The following CCSER1 variants were observed in gnomAD, a reference collection of about 807,000 sequenced individuals.
CCSER1 encodes the protein serine-rich coiled-coil domain-containing protein 1.
CCSER1 carries 41 observed loss-of-function variants against 82.0 expected under a neutral mutation model. The ratio of observed to expected loss-of-function variants is 0.50; its 90% CI spans 0.39 to 0.65. The LOEUF is 0.65. Ranked by LOEUF, CCSER1 falls within the 30% of genes least tolerant of loss-of-function variation. The pLI, the probability that CCSER1 is intolerant of heterozygous loss-of-function variation, is 0.00. For synonymous variants in CCSER1, 414 were observed against 383.9 expected, an observed-to-expected ratio of 1.08 and a Z score of -0.92; for missense variants, 1,119 against 1,064.2, an observed-to-expected ratio of 1.05 and a Z score of -0.72.
At chr4:91,581,661 G>A (rs572050859) in intron 10 of CCSER1, among the ~76,000 whole-genome samples, 20 of 151,700 alleles carry the variant, frequency 1.3e-4, no homozygotes, top group African/African-American at 3.1e-4. Context: ...GTCAGAGTCA[G>A]GAAAATGTTT....
chr4:91,477,187 C>CTA (rs1757641218), intron 10 of CCSER1, among the ~76,000 whole-genome samples: 2 of 151,388 alleles, frequency 1.3e-5, no homozygotes, highest in African/African-American at 4.8e-5. Context: ...GGATTAATAC[C>CTA]CAGAATAGAT....
At chr4:90,631,453 G>A (rs1724411560) in intron 6 of CCSER1, among the ~76,000 whole-genome samples, 1 of 152,072 alleles carries the variant, frequency 6.6e-6, no homozygotes, top group South Asian at 2.1e-4. Flanking sequence ...GTTATCCTTT[G>A]TTGTTTTTGA....
chr4:90,270,930 C>T (rs1178847905), intron 1 of CCSER1, among the ~76,000 whole-genome samples: 1 of 151,768 alleles, frequency 6.6e-6, no homozygotes, highest in Non-Finnish European at 1.5e-5. Context: ...ATTAATGTAG[C>T]CAAAGACATG....
intron 10 of CCSER1, among the ~76,000 whole-genome samples, chr4:91,171,619 C>T (rs1183837858): frequency 6.6e-6 from 1 of 152,094 alleles, no homozygotes; most frequent in East Asian, 1.9e-4. Flanking sequence ...TACCCCAGGC[C>T]TCACATAATT....
intron 7 of CCSER1, among the ~76,000 whole-genome samples, chr4:90,761,488 C>A (rs985768323): frequency 4.6e-5 from 7 of 152,094 alleles, no homozygotes; most frequent in African/African-American, 1.7e-4. Flanking sequence ...GGTTTGCTCC[C>A]ACTTGTCCTA....
At chr4:91,393,355 T>C (rs927669606) in intron 10 of CCSER1, among the ~76,000 whole-genome samples, 22 of 152,204 alleles carry the variant, frequency 1.4e-4, no homozygotes, top group African/African-American at 5.1e-4. Context: ...GAACCATGCA[T>C]GAAATTCAAG....
chr4:90,971,050 A>C (rs952777660), intron 9 of CCSER1, among the ~76,000 whole-genome samples: 3 of 152,006 alleles, frequency 2.0e-5, no homozygotes, highest in Non-Finnish European at 2.9e-5. Context: ...TAGCAGAAGG[A>C]AGGAAATAGT....
chr4:91,114,618 C>G (rs763077264), intron 10 of CCSER1, among the ~76,000 whole-genome samples: 1 of 152,196 alleles, frequency 6.6e-6, no homozygotes, highest in Non-Finnish European at 1.5e-5. Flanking sequence ...TGGACCTCAT[C>G]CTGCTTCCTG....
chr4:91,246,222 C>G (rs1739763502), intron 10 of CCSER1, among the ~76,000 whole-genome samples: 1 of 152,056 alleles, frequency 6.6e-6, no homozygotes, highest in African/African-American at 2.4e-5. Context: ...AGCAGGGTGA[C>G]AAAGTTAAAG....
chr4:91,219,313 T>TTTGC (rs1182157808), intron 10 of CCSER1, among the ~76,000 whole-genome samples: 1 of 132,204 alleles, frequency 7.6e-6, no homozygotes, highest in East Asian at 2.1e-4. Context: ...TTTGGCTTTT[T>TTTGC]TTTTTTTTTT....
At chr4:90,263,354 C>G (rs1724678800) in intron 1 of CCSER1, among the ~76,000 whole-genome samples, 1 of 152,218 alleles carries the variant, frequency 6.6e-6, no homozygotes, top group African/African-American at 2.4e-5. Flanking sequence ...GCTATGTGAA[C>G]TGACTTTAAG....
intron 3 of CCSER1, among the ~76,000 whole-genome samples, chr4:90,379,700 G>T (rs2153530727): frequency 6.6e-6 from 1 of 152,254 alleles, no homozygotes; most frequent in African/African-American, 2.4e-5. Flanking sequence ...CAGACACTGG[G>T]ATATATATGA....
chr4:91,549,146 A>C (rs7654344), intron 10 of CCSER1, among the ~76,000 whole-genome samples: 20,628 of 151,888 alleles, frequency 0.14, 1,585 homozygotes, highest in African/African-American at 0.21. Context: ...TGTATAGTCT[A>C]CTAATAAGTC....
At chr4:90,622,343 A>G (rs141388373) in intron 5 of CCSER1, among the ~76,000 whole-genome samples, 2,493 of 152,280 alleles carry the variant, frequency 0.016, 36 homozygotes, top group South Asian at 0.043. Flanking sequence ...ATATGTATAC[A>G]TGTGCCATGT....
intron 5 of CCSER1, among the ~76,000 whole-genome samples, chr4:90,483,375 T>A (rs1766416432): frequency 6.6e-6 from 1 of 152,200 alleles, no homozygotes; most frequent in South Asian, 2.1e-4. Context: ...CACATACATT[T>A]AAGGTTAGTA....
At chr4:90,500,585 C>T (rs1475102305) in intron 5 of CCSER1, among the ~76,000 whole-genome samples, 1 of 152,044 alleles carries the variant, frequency 6.6e-6, no homozygotes, top group Non-Finnish European at 1.5e-5. Flanking sequence ...CCCGCCAACT[C>T]CTCCTAAAGT....
At chr4:90,316,825 G>A (rs1241119660) in intron 3 of CCSER1, among the ~76,000 whole-genome samples, 1 of 152,134 alleles carries the variant, frequency 6.6e-6, no homozygotes, top group African/African-American at 2.4e-5. Context: ...GAAGCGAAAG[G>A]ACAGGATGTA....
At chr4:91,223,843 G>A (rs1737941647) in intron 10 of CCSER1, among the ~76,000 whole-genome samples, 1 of 152,092 alleles carries the variant, frequency 6.6e-6, no homozygotes. Flanking sequence ...TCTGTTAAAT[G>A]AGCAACCACA....
Position 91,332,582 on chromosome 4 carries a change from A to T in CCSER1, c.2217+246588A>T, listed in dbSNP as rs1256712039. Among the ~76,000 whole-genome samples, 7 of 151,866 alleles carry T rather than the reference A, an allele frequency of 4.6e-5. No individual in the cohort carries two copies. The East Asian group carries it at 1.4e-3, about 29-fold the overall frequency. On this transcript the variant is annotated intron_variant, in intron 10 of 10. Transcript: ENST00000509176. ...TTCCATAACTTTCAGATAAAAAAAA[A>T]GGGCCATTTAACTTACCTCAGTTGT...
Sources: gnomAD v4.1 joint callset for allele counts (sites outside exome capture counted in the v4.1 genomes callset) on GRCh38, gnomAD v4.1.1 for gene constraint, MANE v1.5 for transcripts, NCBI Gene and HGNC (gene_info 2026-07-23, HGNC 2026-07-21) for gene names.